Variants in DNAH11 observed in about 807,000 individuals in gnomAD.
DNAH11 encodes dynein axonemal heavy chain 11.
Under a neutral mutation model 526.0 loss-of-function variants are expected in DNAH11, and 442 were observed. That is an observed-to-expected ratio of 0.84 (90% CI 0.78 to 0.91). The LOEUF is 0.91. DNAH11 is among the 40% of genes least tolerant of loss of function. DNAH11 has a pLI of 0.00. For synonymous variants in DNAH11, 2,461 were observed against 1,935.9 expected, an observed-to-expected ratio of 1.27 and a Z score of -7.12; for missense variants, 6,989 against 5,448.7, an observed-to-expected ratio of 1.28 and a Z score of -8.90.
intron 79 of DNAH11, among the ~76,000 whole-genome samples, chr7:21,897,400 C>T (rs1244733037): frequency 6.6e-6 from 1 of 151,594 alleles, no homozygotes; most frequent in Admixed American, 6.6e-5. Context: ...TCACTCTCCT[C>T]TTGTCAAATG....
chr7:21,599,839 A>G lies in DNAH11; in HGVS notation c.2720A>G (p.Tyr907Cys). ...CCCTCTCTGGATACCTGGAAAATTT[A>G]TGTAGAATTCATTGACGACATTGTG... ...ANPSLDTWKI[Y>C]VEFIDDIVVE... is the part of the protein sequence containing the mutation. Residue 907 changes from tyrosine to cysteine, a missense_variant, in exon 15 of 82, where the codon TAT becomes TGT. Physicochemically the swap from Tyr to Cys is radical, Grantham distance 194 (BLOSUM62 -2). Transcript: ENST00000409508. 1.3e-6 allele frequency: 2 copies of G among 1,598,582 alleles called. No individual in the cohort carries two copies. Among genetic ancestry groups the G allele is most frequent in the Non-Finnish European group, 1.7e-6 (2 of 1,170,100 alleles).
At chr7:21,859,227 T>C (rs987138793) in intron 68 of DNAH11, among the ~76,000 whole-genome samples, 1 of 152,116 alleles carries the variant, frequency 6.6e-6, no homozygotes, top group African/African-American at 2.4e-5. Context: ...GATTCTCCTG[T>C]CCCAGCCCCT....
chr7:21,563,475 C>T (rs911787898), intron 5 of DNAH11, among the ~76,000 whole-genome samples: 3 of 152,128 alleles, frequency 2.0e-5, no homozygotes, highest in Non-Finnish European at 4.4e-5. Flanking sequence ...GGATTACAAA[C>T]ATGAACCACT....
intron 65 of DNAH11, among the ~76,000 whole-genome samples, chr7:21,842,060 A>C (rs1782223081): frequency 6.6e-6 from 1 of 152,102 alleles, no homozygotes; most frequent in Non-Finnish European, 1.5e-5. Context: ...TTAATATTAG[A>C]GGTGTTTGAG....
chr7:21,886,357 CTG>C (rs1784124690), intron 76 of DNAH11, among the ~76,000 whole-genome samples: 1 of 152,014 alleles, frequency 6.6e-6, no homozygotes, highest in Non-Finnish European at 1.5e-5. Flanking sequence ...ATATAGAAAA[CTG>C]GGGACATTCT....
At chr7:21,572,403 T>G (rs537804935) in intron 8 of DNAH11, among the ~76,000 whole-genome samples, 2 of 152,308 alleles carry the variant, frequency 1.3e-5, no homozygotes, top group African/African-American at 4.8e-5. Flanking sequence ...TTTCTTATAA[T>G]TTTTGTTATT....
At chr7:21,590,079 A>G (rs551919808) in intron 12 of DNAH11, among the ~76,000 whole-genome samples, 3 of 152,192 alleles carry the variant, frequency 2.0e-5, no homozygotes, top group Non-Finnish European at 4.4e-5. Flanking sequence ...AAGTCATGTA[A>G]CAAAGGAAAT....
At chr7:21,674,128 C>T (rs1028425742) in intron 30 of DNAH11, among the ~76,000 whole-genome samples, 4 of 151,512 alleles carry the variant, frequency 2.6e-5, no homozygotes, top group Non-Finnish European at 5.9e-5. Context: ...GGCACTATCT[C>T]GGCTCACTGC....
Position 21,694,850 on chromosome 7 carries a change from C to T in DNAH11, c.6042-3225C>T, listed in dbSNP as rs759376525. On this transcript the variant is annotated intron_variant, in intron 35 of 81. Transcript: ENST00000409508. Reference sequence around the variant, plus strand: ...AAGCATTCCTATTTCTCCACGTTCTCGCCAGCATCTGTTGTTTCCAGACTT... The same window carrying T: ...AAGCATTCCTATTTCTCCACGTTCTTGCCAGCATCTGTTGTTTCCAGACTT... 3.9e-4 allele frequency among the ~76,000 whole-genome samples: 60 copies of T among 152,178 alleles called. 1 individual carries two copies. Among genetic ancestry groups the T allele is most frequent in the South Asian group, 1.9e-3 (9 of 4,832 alleles).
rs1785787724 is a variant in DNAH11, at chr7:21,616,444, A to G, written c.4095+152A>G. On this transcript the variant is annotated intron_variant, in intron 22 of 81. Transcript: ENST00000409508. ...GACAGTGTTTTTTTCACCCTTAGCC[A>G]GTTGCACTTCTAATCAAGCCTGTCT... is the stretch of plus-strand genomic sequence containing the variant. The G allele has an allele frequency of 2.3e-5, 13 of 555,592 alleles. No homozygotes were observed. In the South Asian group the frequency reaches 4.6e-4, roughly 19 times the overall value. The allele number at this position is 555,592 out of a possible 1,614,324, so 34.4% of individuals were successfully genotyped here. A position where few individuals can be genotyped will look rare whatever the true frequency, so the allele number is the denominator to read the frequency against.
At chr7:21,806,256 A>G (rs1170344895) in intron 62 of DNAH11, among the ~76,000 whole-genome samples, 1 of 152,220 alleles carries the variant, frequency 6.6e-6, no homozygotes, top group Non-Finnish European at 1.5e-5. Flanking sequence ...GTTTTGGAGA[A>G]TGAGTTGGAT....
At chr7:21,560,934 A>C in intron 4 of DNAH11, 137 bp from the exon 5 acceptor site, 1 of 622,572 alleles carries the variant, frequency 1.6e-6, no homozygotes, top group Non-Finnish European at 2.7e-6. Flanking sequence ...TTCAACTGGA[A>C]ACCAGATATA....
intron 63 of DNAH11, among the ~76,000 whole-genome samples, chr7:21,815,220 A>T (rs561114324): frequency 7.2e-5 from 11 of 152,128 alleles, no homozygotes; most frequent in Non-Finnish European, 1.5e-4. Flanking sequence ...TACAGCCCCC[A>T]ATTGTTTCAG....
intron 68 of DNAH11, among the ~76,000 whole-genome samples, chr7:21,861,341 T>C (rs531298205): frequency 2.4e-4 from 37 of 152,354 alleles, no homozygotes; most frequent in African/African-American, 8.7e-4. Flanking sequence ...TTTTGTAATC[T>C]TACGTGAAGA....
intron 46 of DNAH11, among the ~76,000 whole-genome samples, chr7:21,736,382 T>A (rs1484888487): frequency 6.6e-6 from 1 of 152,044 alleles, no homozygotes; most frequent in East Asian, 1.9e-4. Flanking sequence ...AAAAGAGACA[T>A]GGGATGTAGA....
intron 39 of DNAH11, among the ~76,000 whole-genome samples, chr7:21,706,279 G>A (rs756703052): frequency 4.0e-5 from 6 of 151,838 alleles, no homozygotes; most frequent in South Asian, 2.1e-4. Flanking sequence ...TTATTTTCTC[G>A]GTTGGCAGAC....
chr7:21,582,154 A>G (rs1312402442), intron 9 of DNAH11, 133 bp downstream of exon 9: 1 of 597,380 alleles, frequency 1.7e-6, no homozygotes, highest in African/African-American at 1.9e-5. Context: ...AATTCAGCTC[A>G]CTGAATAATA....
At position 21,619,106 on chromosome 7, in the gene DNAH11, T is replaced by G; in HGVS notation, c.4261T>G (p.Phe1421Val). The G allele has an allele frequency of 3.1e-6, 5 of 1,613,530 alleles. No individual in the cohort carries two copies. Among genetic ancestry groups the G allele is most frequent in the Non-Finnish European group, 4.2e-6 (5 of 1,179,614 alleles). ...CTTTTTTTCCCCCAATCAGGTCAAG[T>G]TTTTAATAAATGAAGCCACAACTTT... ...HQLMKAIGVK[F>V]LINEATTLAD... The change falls in exon 24 of 82, where the codon TTT (phenylalanine) becomes GTT (valine). Residue 1421 changes from phenylalanine to valine, a missense_variant. Coordinates refer to ENST00000409508, the MANE Select transcript of DNAH11 (RefSeq NM_001277115.2).
intron 44 of DNAH11, among the ~76,000 whole-genome samples, chr7:21,722,701 G>GT (rs1389232289): frequency 1.3e-5 from 2 of 152,116 alleles, no homozygotes; most frequent in African/African-American, 4.8e-5. Flanking sequence ...TGAGAGTCAA[G>GT]TGTTCGTGTC....
Sources: gnomAD v4.1 joint callset for allele counts (sites outside exome capture counted in the v4.1 genomes callset) on GRCh38, gnomAD v4.1.1 for gene constraint, MANE v1.5 for transcripts, NCBI Gene and HGNC (gene_info 2026-07-23, HGNC 2026-07-21) for gene names.